SH3BGRL2: variants seen among roughly 807,000 people sequenced by gnomAD.
The protein encoded by SH3BGRL2 is SH3 domain binding glutamate rich protein like 2.
Under a neutral mutation model 14.8 loss-of-function variants are expected in SH3BGRL2, and 21 were observed. That is an observed-to-expected ratio of 1.42 (90% CI 1.01 to 2.05). SH3BGRL2 has a LOEUF of 2.05. SH3BGRL2 is among the 30% of genes most tolerant of loss of function. The pLI, the probability that SH3BGRL2 is intolerant of heterozygous loss-of-function variation, is 0.00. For synonymous variants in SH3BGRL2, 50 were observed against 47.8 expected (o/e 1.05, Z -0.19); for missense variants, 147 against 130.8 (o/e 1.12, Z -0.61).
At chr6:79,544,207 G>GAAC in the SH3BGRL2 span, among the ~76,000 whole-genome samples, 3 of 151,932 alleles carry the variant, frequency 2.0e-5, no homozygotes, top group African/African-American at 7.3e-5. Flanking sequence ...AAACAAAACA[G>GAAC]AACAACAACA....
chr6:79,650,992 T>C lies in SH3BGRL2; in HGVS notation c.45+19486T>C, dbSNP rs886896890. On this transcript the variant is annotated intron_variant, in intron 1 of 3. Coordinates refer to ENST00000369838, the MANE Select transcript of SH3BGRL2 (RefSeq NM_031469.4). ...TATTAAAATGTAATTCTGGAAATCA[T>C]CCTGTTCTTTATTATTTTTCAAATG... 7.3e-5 allele frequency among the ~76,000 whole-genome samples: 11 copies of C among 151,092 alleles called. No individual in the cohort carries two copies. The South Asian group carries it at 2.3e-3, about 31-fold the overall frequency.
At chr6:79,660,712 T>C (rs1433913825) in intron 1 of SH3BGRL2, among the ~76,000 whole-genome samples, 1 of 152,210 alleles carries the variant, frequency 6.6e-6, no homozygotes, top group Non-Finnish European at 1.5e-5. Context: ...TCAGAAGGAA[T>C]GGTACCAGCT....
the SH3BGRL2 span, among the ~76,000 whole-genome samples, chr6:79,538,602 G>T: frequency 6.6e-6 from 1 of 152,132 alleles, no homozygotes; most frequent in Non-Finnish European, 1.5e-5. Flanking sequence ...TGTTAAAATA[G>T]CTCACTCGTT....
At chr6:79,550,857 A>C in the SH3BGRL2 span, among the ~76,000 whole-genome samples, 4 of 152,134 alleles carry the variant, frequency 2.6e-5, no homozygotes, top group African/African-American at 9.7e-5. Context: ...AACCTGTCTC[A>C]TTTGTACTTC....
intron 2 of SH3BGRL2, among the ~76,000 whole-genome samples, chr6:79,685,304 T>C (rs2812702): frequency 0.03 from 4,639 of 152,268 alleles, 90 homozygotes; most frequent in Middle Eastern, 0.075. Context: ...TTCTCTCTCT[T>C]TCTGAATCTT....
At chr6:79,676,733 G>A (rs926397864) in intron 2 of SH3BGRL2, among the ~76,000 whole-genome samples, 4 of 151,280 alleles carry the variant, frequency 2.6e-5, no homozygotes, top group Non-Finnish European at 4.4e-5. Flanking sequence ...CATGATAAAA[G>A]CAGAAGTGTT....
chr6:79,703,344 G>C lies in SH3BGRL2; in HGVS notation c.*3835G>C, dbSNP rs1244945883. On this transcript the variant is annotated 3_prime_UTR_variant, in exon 4 of 4. Transcript: ENST00000369838. ...GAGACATTATACATAATTTGTTTTT[G>C]TTATAAGCCATTTGAATTTTTAAAA... 5 of 152,048 alleles carry C rather than the reference G, an allele frequency of 3.3e-5. No homozygotes were observed. Among genetic ancestry groups the C allele is most frequent in the African/African-American group, 1.2e-4 (5 of 41,398 alleles). 9.4% of individuals were successfully genotyped at this position (152,048 alleles called of 1,614,324 possible). A position where few individuals can be genotyped will look rare whatever the true frequency, so the allele number is the denominator to read the frequency against.
At chr6:79,680,603 T>G (rs567420179) in intron 2 of SH3BGRL2, among the ~76,000 whole-genome samples, 120 of 152,314 alleles carry the variant, frequency 7.9e-4, no homozygotes, top group African/African-American at 2.7e-3. Context: ...TTTTTTCTAT[T>G]TCTGCAAAAA....
intron 2 of SH3BGRL2, among the ~76,000 whole-genome samples, chr6:79,680,577 A>G (rs531785805): frequency 1.3e-5 from 2 of 152,244 alleles, no homozygotes; most frequent in South Asian, 4.1e-4. Flanking sequence ...TTGCCATATC[A>G]ATTTTAGGAT....
At chr6:79,625,503 T>A in the SH3BGRL2 span, among the ~76,000 whole-genome samples, 1 of 152,178 alleles carries the variant, frequency 6.6e-6, no homozygotes, top group Admixed American at 6.5e-5. Flanking sequence ...GCCTCTAAAC[T>A]TCAATAACAT....
At chr6:79,682,957 A>C (rs1472991979) in intron 2 of SH3BGRL2, among the ~76,000 whole-genome samples, 1 of 152,290 alleles carries the variant, frequency 6.6e-6, no homozygotes, top group East Asian at 1.9e-4. Context: ...AGGACAGAAA[A>C]CCGAACACTG....
intron 1 of SH3BGRL2, among the ~76,000 whole-genome samples, chr6:79,641,570 C>T (rs1245876333): frequency 6.6e-6 from 1 of 152,122 alleles, no homozygotes; most frequent in Non-Finnish European, 1.5e-5. Context: ...ACCTTAGCCT[C>T]TTCATTTGTG....
the SH3BGRL2 span, among the ~76,000 whole-genome samples, chr6:79,604,755 A>G: frequency 6.6e-6 from 1 of 152,316 alleles, no homozygotes; most frequent in African/African-American, 2.4e-5. Flanking sequence ...GAGAAGGCAC[A>G]TCTGAGCACA....
At chr6:79,642,901 C>A (rs955528904) in intron 1 of SH3BGRL2, among the ~76,000 whole-genome samples, 11 of 151,988 alleles carry the variant, frequency 7.2e-5, no homozygotes, top group Non-Finnish European at 1.0e-4. Flanking sequence ...ATTTTGAATA[C>A]CTGTGAAACA....
At chr6:79,666,034 G>T (rs1470836853) in intron 1 of SH3BGRL2, among the ~76,000 whole-genome samples, 2 of 152,136 alleles carry the variant, frequency 1.3e-5, no homozygotes, top group African/African-American at 4.8e-5. Context: ...CTACACCCCT[G>T]CCCTGCTCCC....
chr6:79,677,607 G>C (rs1403049036), intron 2 of SH3BGRL2, among the ~76,000 whole-genome samples: 1 of 152,180 alleles, frequency 6.6e-6, no homozygotes, highest in East Asian at 1.9e-4. Context: ...TGTGACATGA[G>C]TGTATTCTTG....
intron 2 of SH3BGRL2, among the ~76,000 whole-genome samples, chr6:79,693,031 A>T (rs948270515): frequency 2.0e-5 from 3 of 151,818 alleles, no homozygotes; most frequent in Non-Finnish European, 2.9e-5. Flanking sequence ...CCTTTATTTC[A>T]TTGAGCAGTG....
chr6:79,653,941 C>A (rs1769355297), intron 1 of SH3BGRL2, among the ~76,000 whole-genome samples: 1 of 152,092 alleles, frequency 6.6e-6, no homozygotes, highest in South Asian at 2.1e-4. Flanking sequence ...AAGTACTTTT[C>A]AGTATTCTGT....
the SH3BGRL2 span, among the ~76,000 whole-genome samples, chr6:79,594,453 C>T: frequency 6.6e-6 from 1 of 152,162 alleles, no homozygotes; most frequent in African/African-American, 2.4e-5. Flanking sequence ...CAACTAAGCA[C>T]TAAGGATAGG....
Sources: allele counts gnomAD v4.1 joint callset (sites outside exome capture counted in the v4.1 genomes callset), GRCh38; gene constraint gnomAD v4.1.1; transcripts MANE v1.5; gene names NCBI Gene and HGNC (gene_info 2026-07-23, HGNC 2026-07-21).